The following SMCO2 variants were observed in gnomAD, a reference collection of about 807,000 sequenced individuals.
The protein encoded by SMCO2 is single-pass membrane protein with coiled-coil domains 2.
A neutral mutation model predicts 29.5 loss-of-function variants in SMCO2; 25 were observed. The ratio of observed to expected loss-of-function variants is 0.85; its 90% CI spans 0.62 to 1.18. The LOEUF (loss-of-function observed/expected upper bound fraction) is 1.18. Among genes scored for constraint, SMCO2 ranks in the 50% most tolerant of loss-of-function variants. The pLI is 0.00. For synonymous variants in SMCO2, 117 were observed against 123.3 expected (o/e 0.95, Z 0.34); for missense variants, 348 against 344.5 (o/e 1.01, Z -0.08).
intron 5 of SMCO2, chr12:27,493,900 T>C (rs1396604132): frequency 6.5e-6 from 1 of 152,760 alleles, no homozygotes; most frequent in Non-Finnish European, 1.5e-5. Flanking sequence ...TCTGACATAA[T>C]GACTTACATT....
At chr12:27,465,298 G>A (rs1949490425), upstream of SMCO2, among the ~76,000 whole-genome samples, 1 of 152,204 alleles carries the variant, frequency 6.6e-6, no homozygotes, top group South Asian at 2.1e-4. Context: ...TCAGCAAGTA[G>A]TAGCTATTAC....
intron 5 of SMCO2, among the ~76,000 whole-genome samples, chr12:27,489,255 G>T (rs758705759): frequency 6.6e-6 from 1 of 152,000 alleles, no homozygotes; most frequent in African/African-American, 2.4e-5. Flanking sequence ...CATCATGTTG[G>T]CCAGGCTGAT....
chr12:27,474,702 A>G, intron 3 of SMCO2, 84 bp from the exon 4 acceptor site: 5 of 1,487,616 alleles, frequency 3.4e-6, no homozygotes, highest in Non-Finnish European at 4.5e-6. Flanking sequence ...ACCCCAGCAA[A>G]GGGGGATTGG....
chr12:27,501,871 A>G, intron 7 of SMCO2, 52 bp from the exon 9 acceptor site: 1 of 1,375,002 alleles, frequency 7.3e-7, no homozygotes, highest in South Asian at 1.6e-5. Context: ...GGAGCCTATC[A>G]ATGTGATTAT....
the SMCO2 span, among the ~76,000 whole-genome samples, chr12:27,451,435 A>T: frequency 1.3e-5 from 2 of 149,906 alleles, no homozygotes; most frequent in South Asian, 4.2e-4. Flanking sequence ...CTCTAGTCAC[A>T]TTTTTATCAA....
chr12:27,466,397 G>A (rs376009389), upstream of SMCO2, among the ~76,000 whole-genome samples: 3 of 152,308 alleles, frequency 2.0e-5, no homozygotes, highest in African/African-American at 7.2e-5. Flanking sequence ...GGGCGACAGA[G>A]CGAGAGTCTG....
At chr12:27,477,839 T>G (rs1949603657) in intron 4 of SMCO2, among the ~76,000 whole-genome samples, 1 of 152,164 alleles carries the variant, frequency 6.6e-6, no homozygotes, top group African/African-American at 2.4e-5. Context: ...TTACCTGTGT[T>G]CTCTTATATC....
chr12:27,477,636 T>TC (rs1565676577), intron 4 of SMCO2, among the ~76,000 whole-genome samples: 1 of 146,192 alleles, frequency 6.8e-6, no homozygotes. Context: ...TTTTCATTCT[T>TC]TTTTTTTTTT....
chr12:27,488,516 G>T, exon 5 of SMCO2: 2 of 1,539,618 alleles, frequency 1.3e-6, no homozygotes, highest in Non-Finnish European at 1.8e-6. Flanking sequence ...GAGGACCGGG[G>T]CCTTGACCTT....
At chr12:27,484,843 C>T (rs577041258) in intron 4 of SMCO2, among the ~76,000 whole-genome samples, 100 of 92,848 alleles carry the variant, frequency 1.1e-3, no homozygotes, top group Non-Finnish European at 1.7e-3. Flanking sequence ...CAGAGTAAGA[C>T]TCCATCTCAA....
intron 4 of SMCO2, among the ~76,000 whole-genome samples, chr12:27,481,596 A>G (rs1949644013): frequency 6.6e-6 from 1 of 152,164 alleles, no homozygotes; most frequent in South Asian, 2.1e-4. Flanking sequence ...GGGAAGCTGT[A>G]TTGCCTGGAA....
the SMCO2 span, among the ~76,000 whole-genome samples, chr12:27,459,647 T>A: frequency 6.6e-6 from 1 of 152,144 alleles, no homozygotes; most frequent in African/African-American, 2.4e-5. Flanking sequence ...TAAATAAATA[T>A]TCATGATTTG....
chr12:27,452,011 A>C, the SMCO2 span, among the ~76,000 whole-genome samples: 1 of 152,200 alleles, frequency 6.6e-6, no homozygotes, highest in Non-Finnish European at 1.5e-5. Context: ...GGATGCAATA[A>C]ATTCAGTCAT....
intron 4 of SMCO2, among the ~76,000 whole-genome samples, chr12:27,477,541 A>G (rs1184639765): frequency 6.9e-6 from 1 of 145,634 alleles, no homozygotes; most frequent in African/African-American, 2.6e-5. Flanking sequence ...GCCTTTGCCC[A>G]CTTATTCTCT....
intron 7 of SMCO2, among the ~76,000 whole-genome samples, chr12:27,501,430 A>C (rs201472991): frequency 0.024 from 3,532 of 145,290 alleles, 242 homozygotes; most frequent in East Asian, 0.07. Context: ...AAAAAAAAAA[A>C]AAAAAAACAA....
chr12:27,459,465 ACTT>A, the SMCO2 span, among the ~76,000 whole-genome samples: 30 of 152,208 alleles, frequency 2.0e-4, no homozygotes, highest in African/African-American at 6.7e-4. Flanking sequence ...ACTGAGAACT[ACTT>A]CAGGGTGCAG....
At chr12:27,494,412 A>G (rs1210896628) in intron 6 of SMCO2, 56 bp downstream of exon 7, 1 of 1,266,296 alleles carries the variant, frequency 7.9e-7, no homozygotes, top group East Asian at 2.9e-5. Flanking sequence ...TTTATGTCTA[A>G]ATACAGGGGT....
intron 7 of SMCO2, chr12:27,497,481 C>G (rs1241127532): frequency 5.1e-6 from 1 of 194,936 alleles, no homozygotes; most frequent in African/African-American, 2.5e-5. Flanking sequence ...TAGCTCATGC[C>G]TATAATCCAA....
the SMCO2 span, among the ~76,000 whole-genome samples, chr12:27,439,449 A>G: frequency 6.6e-6 from 1 of 152,222 alleles, no homozygotes; most frequent in African/African-American, 2.4e-5. Flanking sequence ...TATACTCACA[A>G]GAAACAAAAG....
Sources: allele counts gnomAD v4.1 joint callset (sites outside exome capture counted in the v4.1 genomes callset), GRCh38; gene constraint gnomAD v4.1.1; transcripts MANE v1.5; gene names NCBI Gene and HGNC (gene_info 2026-07-23, HGNC 2026-07-21).